RAPGEF2: variants seen among roughly 807,000 people sequenced by gnomAD.
The protein encoded by RAPGEF2 is Rap guanine nucleotide exchange factor 2.
In RAPGEF2, 54 loss-of-function variants were observed where a neutral mutation model predicts 186.7. The observed-to-expected ratio is 0.29, with a 90% CI of 0.23 to 0.36. The LOEUF (loss-of-function observed/expected upper bound fraction) is 0.36, where lower values mean the gene tolerates loss of function less well. Among genes scored for constraint, RAPGEF2 ranks in the 10% least tolerant of loss-of-function variants. The probability of loss-of-function intolerance (pLI) is 1.00; values close to 1 mark genes in which losing one functional copy is unlikely to be tolerated. For missense variants in RAPGEF2, 1,532 were observed against 2,045.0 expected (o/e 0.75, Z 4.84); for synonymous variants, 712 against 705.9 (o/e 1.01, Z -0.14).
chr4:159,259,350 T>C (rs1462342232), intron 7 of RAPGEF2, among the ~76,000 whole-genome samples: 1 of 152,210 alleles, frequency 6.6e-6, no homozygotes, highest in Admixed American at 6.5e-5. Flanking sequence ...CAATGTCCAA[T>C]ATCCAGAAAT....
intron 1 of RAPGEF2, among the ~76,000 whole-genome samples, chr4:159,131,760 T>A (rs1681099322): frequency 6.6e-6 from 1 of 151,684 alleles, no homozygotes; most frequent in African/African-American, 2.4e-5. Context: ...GGCATCTCCT[T>A]GTTTGTCAGA....
At chr4:159,281,321 C>T (rs1039832666) in intron 7 of RAPGEF2, among the ~76,000 whole-genome samples, 6 of 151,976 alleles carry the variant, frequency 3.9e-5, no homozygotes, top group Non-Finnish European at 7.4e-5. Context: ...ATTGATTTCT[C>T]CCTTCAAAAT....
chr4:159,237,342 C>A (rs2111460404), intron 4 of RAPGEF2, among the ~76,000 whole-genome samples: 1 of 152,210 alleles, frequency 6.6e-6, no homozygotes, highest in South Asian at 2.1e-4. Flanking sequence ...TGGAAAAGGA[C>A]TTAATTATCT....
At chr4:159,118,965 G>T (rs1370969499) in intron 1 of RAPGEF2, among the ~76,000 whole-genome samples, 1 of 152,132 alleles carries the variant, frequency 6.6e-6, no homozygotes, top group East Asian at 1.9e-4. Context: ...TTCAGTAGTT[G>T]ATATTCATTA....
At chr4:159,168,412 A>G (rs145509497) in intron 1 of RAPGEF2, among the ~76,000 whole-genome samples, 157 of 152,114 alleles carry the variant, frequency 1.0e-3, no homozygotes, top group Non-Finnish European at 1.7e-3. Context: ...ACAGTCAGGA[A>G]ACAAATCCAT....
In RAPGEF2 at chr4:159,330,265, A is replaced by ATG. The variant is rs59463532; in HGVS notation, c.1303-39_1303-38dup. ...CATATATGTGTGTGTGTATATGTAT[A>ATG]TGTGTGTGTGTGTGTGTGTGTGTGT... On this transcript the variant is annotated intron_variant, in intron 12 of 29. Transcript: ENST00000691494. 0.37 allele frequency: 198,336 copies of ATG among 533,564 alleles called. 13,305 individuals are homozygous for ATG. The highest frequency in any genetic ancestry group is 0.53 in the East Asian group (18,100 of 34,180). The allele number at this position is 533,564 out of a possible 1,614,324, so 33.1% of individuals were successfully genotyped here.
intron 7 of RAPGEF2, among the ~76,000 whole-genome samples, chr4:159,299,485 A>G (rs1420420037): frequency 6.6e-6 from 1 of 151,940 alleles, no homozygotes; most frequent in African/African-American, 2.4e-5. Context: ...AAATTCCACA[A>G]AACTCATCCC....
At chr4:159,357,427 C>T (rs1225232524) in intron 29 of RAPGEF2, among the ~76,000 whole-genome samples, 1 of 152,196 alleles carries the variant, frequency 6.6e-6, no homozygotes, top group African/African-American at 2.4e-5. Flanking sequence ...TTCTTTATAA[C>T]TCTTTGTGCG....
rs184297068 is a variant in RAPGEF2, at chr4:159,153,120, T to A, written c.70-33522T>A. 2.1e-3 allele frequency among the ~76,000 whole-genome samples: 327 copies of A among 152,346 alleles called. 4 individuals are homozygous for A. The highest frequency in any genetic ancestry group is 7.3e-3 in the African/African-American group (304 of 41,588). Reference sequence around the variant, plus strand: ...CTTTTATTTGCCTTTATCAAACAACTTCATTACACTAGTAGCCTTCACTAG... The same window carrying A: ...CTTTTATTTGCCTTTATCAAACAACATCATTACACTAGTAGCCTTCACTAG... On this transcript the variant is annotated intron_variant, in intron 1 of 29. Transcript: ENST00000691494.
intron 9 of RAPGEF2, among the ~76,000 whole-genome samples, chr4:159,317,428 A>G (rs1764733987): frequency 6.6e-6 from 1 of 152,218 alleles, no homozygotes; most frequent in Non-Finnish European, 1.5e-5. Context: ...GTGAACAAAT[A>G]AACCTATTGC....
chr4:159,282,102 G>A (rs926308315), intron 7 of RAPGEF2, among the ~76,000 whole-genome samples: 2 of 152,148 alleles, frequency 1.3e-5, no homozygotes, highest in African/African-American at 4.8e-5. Context: ...TCTGGCACAT[G>A]GCCTGACACA....
In RAPGEF2 at chr4:159,332,620, C is replaced by T. The variant is rs1766841591; in HGVS notation, c.2058C>T (p.Asn686=). The T allele has an allele frequency of 1.2e-6, 2 of 1,614,096 alleles. No homozygotes were observed. The highest frequency in any genetic ancestry group is 8.5e-7 in the Non-Finnish European group (1 of 1,180,006). Residue 686 remains asparagine, a synonymous_variant, in exon 17 of 30, where the codon AAC becomes AAT. Transcript: ENST00000691494. ...LEKVNKKSKA[N]TVGGRNKLKK... Reference sequence around the variant, plus strand: ...AAGTGAACAAAAAAAGTAAAGCCAACACTGTGGGAGGAAGGAACAAGCTGA... The same window carrying T: ...AAGTGAACAAAAAAAGTAAAGCCAATACTGTGGGAGGAAGGAACAAGCTGA...
chr4:159,249,955 T>A (rs1755111816), intron 7 of RAPGEF2, among the ~76,000 whole-genome samples: 1 of 152,296 alleles, frequency 6.6e-6, no homozygotes, highest in South Asian at 2.1e-4. Context: ...ATGTACTGCC[T>A]AGCATCCTTT....
At chr4:159,254,600 CTTT>C (rs34644510) in intron 7 of RAPGEF2, among the ~76,000 whole-genome samples, 3 of 124,578 alleles carry the variant, frequency 2.4e-5, no homozygotes, top group African/African-American at 6.2e-5. Flanking sequence ...TACAGCATGA[CTTT>C]TTTTTTTTTT....
chr4:159,187,021 A>G (rs1327213301), intron 2 of RAPGEF2, among the ~76,000 whole-genome samples: 1 of 152,202 alleles, frequency 6.6e-6, no homozygotes, highest in Admixed American at 6.5e-5. Flanking sequence ...ATAGAACACC[A>G]GGACTTATTT....
rs139563868 is a variant in RAPGEF2 at position 159,283,319 on chromosome 4, A to G, written c.544-21023A>G. On this transcript the variant is annotated intron_variant, in intron 7 of 29. Coordinates refer to ENST00000691494, the MANE Select transcript of RAPGEF2 (RefSeq NM_001394067.2). ...AAAATAATTTTCCAATGTGTTCTTT[A>G]TTTCTTTTCCAAAATTTAAGTTATA... Among the ~76,000 whole-genome samples the G allele has an allele frequency of 2.1e-3, 320 of 152,146 alleles. 2 individuals are homozygous for G. Among genetic ancestry groups the G allele is most frequent in the African/African-American group, 7.5e-3 (311 of 41,478 alleles).
intron 7 of RAPGEF2, among the ~76,000 whole-genome samples, chr4:159,251,315 C>T (rs1372452359): frequency 6.6e-6 from 1 of 152,252 alleles, no homozygotes; most frequent in Non-Finnish European, 1.5e-5. Flanking sequence ...CTGAGGAGTG[C>T]AGTGTGGGAC....
At chr4:159,236,122 T>C (rs1470541159) in intron 4 of RAPGEF2, among the ~76,000 whole-genome samples, 1 of 152,240 alleles carries the variant, frequency 6.6e-6, no homozygotes, top group African/African-American at 2.4e-5. Context: ...TCCATTCAGC[T>C]TATTCAATAA....
chr4:159,151,780 G>A (rs80083248), intron 1 of RAPGEF2, among the ~76,000 whole-genome samples: 2,169 of 152,216 alleles, frequency 0.014, 59 homozygotes, highest in African/African-American at 0.05. Flanking sequence ...TTGTGTTGGG[G>A]GGTGTCTGTT....
Sources: gnomAD v4.1 joint callset for allele counts (sites outside exome capture counted in the v4.1 genomes callset) on GRCh38, gnomAD v4.1.1 for gene constraint, MANE v1.5 for transcripts, NCBI Gene and HGNC (gene_info 2026-07-23, HGNC 2026-07-21) for gene names.